PEX10: variants seen among roughly 807,000 people sequenced by gnomAD.
PEX10 encodes the protein peroxisomal biogenesis factor 10.
In PEX10, 32 loss-of-function variants were observed where a neutral mutation model predicts 38.0. The observed-to-expected ratio is 0.84, with a 90% confidence interval of 0.63 to 1.13. The LOEUF (loss-of-function observed/expected upper bound fraction) is 1.13, where lower values mean the gene tolerates loss of function less well. Ranked by LOEUF, PEX10 falls within the 50% of genes most tolerant of loss-of-function variation. PEX10 has a pLI of 0.00. For synonymous variants in PEX10, 206 were observed against 207.3 expected (o/e 0.99, Z 0.05); for missense variants, 483 against 457.7 (o/e 1.06, Z -0.51).
At position 2,408,711 on chromosome 1, in the gene PEX10, T is replaced by A; in HGVS notation, c.341A>T (p.Glu114Val). ...YLLDKALLPL[E>V]QELQADPDSG... is the part of the protein sequence containing the mutation. Reference sequence around the variant, plus strand: ...GTCGGGGTCAGCCTGCAGCTCCTGCTCCAGGGGGAGCAGGGCCTTGTCCAG... The same window carrying A: ...GTCGGGGTCAGCCTGCAGCTCCTGCACCAGGGGGAGCAGGGCCTTGTCCAG... Residue 114 changes from glutamate to valine, a missense_variant, in exon 3 of 6, where the codon GAG becomes GTG. By Grantham distance (121) the Glu-to-Val change is moderately radical. Transcript: ENST00000447513. 6.2e-7 allele frequency: 1 copy of A among 1,613,598 alleles called. No homozygotes were observed. Among genetic ancestry groups the A allele is most frequent in the South Asian group, 1.1e-5 (1 of 91,078 alleles).
chr1:2,404,370 G>C lies in PEX10; in HGVS notation c.*1396C>G, dbSNP rs922463906. On this transcript the variant is annotated 3_prime_UTR_variant, in exon 6 of 6. Transcript: ENST00000447513. ...CGTGTTGAGACACTTGGGATTCTCA[G>C]ACTGTGGACAGGAGTGTTTGTCATT... is the stretch of plus-strand genomic sequence containing the variant. 2.6e-5 allele frequency: 4 copies of C among 152,298 alleles called. No homozygotes were observed. The highest frequency in any genetic ancestry group is 5.9e-5 in the Non-Finnish European group (4 of 68,068). 9.4% of individuals were successfully genotyped at this position (152,298 alleles called of 1,614,324 possible). A position where few individuals can be genotyped will look rare whatever the true frequency, so the allele number is the denominator to read the frequency against.
Position 2,404,067 on chromosome 1 carries a change from G to C in PEX10, c.*1699C>G, listed in dbSNP as rs760711811. The stretch of plus-strand genomic sequence containing the variant: ...ACCTTTTGTTTGGCCTTTTCGAAAG[G>C]TGACCCATATTGCACAGCAGAACAT... On this transcript the variant is annotated 3_prime_UTR_variant, in exon 6 of 6. Transcript: ENST00000447513. 6.6e-6 allele frequency: 1 copy of C among 152,222 alleles called. No homozygotes were observed. The highest frequency in any genetic ancestry group is 1.5e-5 in the Non-Finnish European group (1 of 68,052). 9.4% of individuals were successfully genotyped at this position (152,222 alleles called of 1,614,324 possible).
At position 2,409,937 on chromosome 1, in the gene PEX10, T is replaced by A. The variant is rs2100433437; in HGVS notation, c.193+434A>T. The A allele has an allele frequency of 4.2e-6, 1 of 238,704 alleles. No homozygotes were observed. Among genetic ancestry groups the A allele is most frequent in the South Asian group, 5.2e-5 (1 of 19,230 alleles). The allele number at this position is 238,704 out of a possible 1,614,324, so 14.8% of individuals were successfully genotyped here. On this transcript the variant is annotated intron_variant, in intron 2 of 5. Transcript: ENST00000447513. This position sits in a 1 kb window ranked among gnomAD's most constrained non-coding sequence, Gnocchi z 6.2. ...CTGGCACTCGGTGGTCCTTGCTACA[T>A]GCTGAGCTGGGGTTGGGAGCCTGAG...
At position 2,410,743 on chromosome 1, in the gene PEX10, G is replaced by A. The variant is rs143073325; in HGVS notation, c.113-292C>T. 2,394 of 526,696 alleles carry A rather than the reference G, an allele frequency of 4.5e-3. 10 individuals carry two copies. The highest frequency in any genetic ancestry group is 6.6e-3 in the Non-Finnish European group (1,808 of 273,202). The allele number at this position is 526,696 out of a possible 1,614,324, so 32.6% of individuals were successfully genotyped here. ...CCTATGAGGGCCACATGGAAAGATG[G>A]TCTGGGGTATTAAGATTACAGGCCA... is the stretch of plus-strand genomic sequence containing the variant. On this transcript the variant is annotated intron_variant, in intron 1 of 5. Transcript: ENST00000447513. The surrounding 1 kb of genome is among the most constrained non-coding windows in gnomAD (Gnocchi z 5.1).
upstream of PEX10, chr1:2,412,575 G>A (rs1443959344): frequency 8.9e-7 from 1 of 1,121,898 alleles, no homozygotes; most frequent in Non-Finnish European, 1.1e-6. Context: ...AACTGATGAC[G>A]GCACGACGTG....
chr1:2,411,556 C>A (rs1244355844), intron 1 of PEX10, among the ~76,000 whole-genome samples: 1 of 149,032 alleles, frequency 6.7e-6, no homozygotes, highest in African/African-American at 2.5e-5. Context: ...GTTTTTTAAT[C>A]GGTGATGGGG....
Position 2,406,470 on chromosome 1 carries a change from G to C in PEX10, c.912+14C>G. The C allele has an allele frequency of 6.2e-7, 1 of 1,610,352 alleles. No individual in the cohort carries two copies. The highest frequency in any genetic ancestry group is 1.9e-4 in the Middle Eastern group (1 of 5,160). ...CGCTGACCACCCCAGGACGGCAGCA[G>C]GCTCCCACCTCACCTTGCTGCTGCA... On this transcript the variant is annotated intron_variant, in intron 5 of 5. Coordinates refer to ENST00000447513, the MANE Select transcript of PEX10 (RefSeq NM_002617.4).
In PEX10 at chr1:2,405,352, C is replaced by G; in HGVS notation, c.*414G>C. The G allele has an allele frequency of 5.7e-6, 2 of 350,062 alleles. No individual in the cohort carries two copies. The highest frequency in any genetic ancestry group is 2.2e-5 in the South Asian group (1 of 44,576). The allele number at this position is 350,062 out of a possible 1,614,324, so 21.7% of individuals were successfully genotyped here. On this transcript the variant is annotated 3_prime_UTR_variant, in exon 6 of 6. Transcript: ENST00000447513. ...CCTCCGTGCCCCACCCCACCCAGCA[C>G]GCACTCATTCAGTCCATTGCCTTAA...
At chr1:2,407,959 G>A (rs116081827) in intron 3 of PEX10, among the ~76,000 whole-genome samples, 3,126 of 151,906 alleles carry the variant, frequency 0.021, 88 homozygotes, top group East Asian at 0.056. Flanking sequence ...AGGTGCCAAC[G>A]GCTGTGGAGG....
chr1:2,405,904 T>C, intron 5 of PEX10, 70 bp from the exon 6 acceptor site: 1 of 1,210,976 alleles, frequency 8.3e-7, no homozygotes. Flanking sequence ...TCGGCATTTC[T>C]TTTCCTGTCC....
chr1:2,408,784 G>A lies in PEX10; in HGVS notation c.268C>T (p.Leu90=), dbSNP rs775772867. 282 of 1,613,910 alleles carry A rather than the reference G, an allele frequency of 1.7e-4. No homozygotes were observed. Among genetic ancestry groups the A allele is most frequent in the Non-Finnish European group, 2.3e-4 (272 of 1,179,930 alleles). ...AGTGTCACCAGCACGCCACGGCGCA[G>A]CGAGGAGGGCACATGTATCCGCGAT... The part of the protein sequence containing the change: ...DPSRIHVPSS[L]RRGVLVTLHA... Residue 90 remains leucine (L), a synonymous_variant, in exon 3 of 6, where the codon CTG becomes TTG. Coordinates refer to ENST00000447513, the MANE Select transcript of PEX10 (RefSeq NM_002617.4).
chr1:2,412,622 TG>T (rs1643291586), upstream of PEX10: 12 of 803,184 alleles, frequency 1.5e-5, no homozygotes, highest in Non-Finnish European at 2.0e-5. Flanking sequence ...GTCAAGGTGC[TG>T]GGGCGGGGCC....
rs1292668207 is a variant in PEX10 at position 2,406,833 on chromosome 1, C to T, written c.663G>A (p.Gly221=). 2.4e-5 allele frequency: 39 copies of T among 1,610,808 alleles called. No individual in the cohort carries two copies. In the East Asian group the frequency reaches 8.5e-4, roughly 35 times the overall value. The change falls in exon 4 of 6, where the codon GGG becomes GGA. Residue 221 remains glycine, a synonymous_variant. Transcript: ENST00000447513. ...GCACCAGGTGCAGCAGTGAGATGAC[C>T]CCCAGCAGCCTGTAGCTAACACGGG... ...LRARVSYRLL[G]VISLLHLVLS... is the part of the protein sequence containing the mutation.
At position 2,406,989 on chromosome 1, in the gene PEX10, ACGTTAGAACCAGGC is replaced by A. The variant is rs1163909306; in HGVS notation, c.601-108_601-95del. 6 of 1,517,180 alleles carry A rather than the reference ACGTTAGAACCAGGC, an allele frequency of 4.0e-6. No individual in the cohort carries two copies. The East Asian group carries it at 1.2e-4, about 31-fold the overall frequency. The allele number at this position is 1,517,180 out of a possible 1,614,324, so 94.0% of individuals were successfully genotyped here. ...GTCACACGTTCAGTTGGCACAGAGCACGTTAGAACCAGGCCTCTCACTGGCATGGGGAGTGCCCG... is the reference window on the plus strand; with the variant it reads ...GTCACACGTTCAGTTGGCACAGAGCACTCTCACTGGCATGGGGAGTGCCCG... On this transcript the variant is annotated intron_variant, in intron 3 of 5. Coordinates refer to ENST00000447513, the MANE Select transcript of PEX10 (RefSeq NM_002617.4).
chr1:2,407,956 A>G (rs2494429), intron 3 of PEX10, among the ~76,000 whole-genome samples: 118,439 of 151,050 alleles, frequency 0.78, 46,667 homozygotes, highest in Non-Finnish European at 0.81. Flanking sequence ...CAGAGGTGCC[A>G]ACGGCTGTGG....
At chr1:2,412,129 A>G (rs1643253637) in intron 1 of PEX10, among the ~76,000 whole-genome samples, 1 of 152,216 alleles carries the variant, frequency 6.6e-6, no homozygotes, top group South Asian at 2.1e-4. Flanking sequence ...GGGGACGGGA[A>G]GGGCTTGGGC....
chr1:2,406,510 A>G lies in PEX10; in HGVS notation c.886T>C (p.Cys296Arg), dbSNP rs1193551613. Residue 296 changes from cysteine (C) to arginine (R), a missense_variant, in exon 5 of 6, where the codon TGC becomes CGC. Physicochemically the swap from Cys to Arg is radical, Grantham distance 180. Transcript: ENST00000447513. ...TPCGHLFCWE[C>R]ITAWCSSKAE... ...TTGCTGCTGCACCACGCGGTGATGC[A>G]CTCCCAGCAGAACAGGTGGCCGCAG... 2 of 1,612,806 alleles carry G rather than the reference A, an allele frequency of 1.2e-6. No homozygotes were observed. Among genetic ancestry groups the G allele is most frequent in the Non-Finnish European group, 1.7e-6 (2 of 1,179,934 alleles).
At position 2,404,309 on chromosome 1, in the gene PEX10, A is replaced by G. The variant is rs960411014; in HGVS notation, c.*1457T>C. 1 of 152,270 alleles carries G rather than the reference A, an allele frequency of 6.6e-6. No individual in the cohort carries two copies. Among genetic ancestry groups the G allele is most frequent in the Non-Finnish European group, 1.5e-5 (1 of 68,050 alleles). 9.4% of individuals were successfully genotyped at this position (152,270 alleles called of 1,614,324 possible). On this transcript the variant is annotated 3_prime_UTR_variant, in exon 6 of 6. Coordinates refer to ENST00000447513, the MANE Select transcript of PEX10 (RefSeq NM_002617.4). Reference sequence around the variant, plus strand: ...CAAGCTTGTGTGTCCCTGACCCAAGATAGCCAGTGCTGCTCCCAGGTGGTA... The same window carrying G: ...CAAGCTTGTGTGTCCCTGACCCAAGGTAGCCAGTGCTGCTCCCAGGTGGTA...
At chr1:2,408,995 G>T in intron 2 of PEX10, 137 bp from the exon 3 acceptor site, 1 of 859,838 alleles carries the variant, frequency 1.2e-6, no homozygotes, top group Admixed American at 2.0e-5. Flanking sequence ...CTGTCACCCC[G>T]TGCTGGCTGA....
Sources: gnomAD v4.1 joint callset for allele counts (sites outside exome capture counted in the v4.1 genomes callset) on GRCh38, gnomAD v4.1.1 for gene constraint, Gnocchi (gnomAD v3.1) non-coding constraint, MANE v1.5 for transcripts, NCBI Gene and HGNC (gene_info 2026-07-23, HGNC 2026-07-21) for gene names.